Variants in ADGRA3 observed in about 807,000 individuals in gnomAD.
ADGRA3 encodes the protein G-protein coupled receptor 125.
Under a neutral mutation model 119.8 loss-of-function variants are expected in ADGRA3, and 56 were observed. That is an observed-to-expected ratio of 0.47 (90% confidence interval 0.38 to 0.58). ADGRA3 has a LOEUF of 0.58. Among genes scored for constraint, ADGRA3 ranks in the 20% least tolerant of loss-of-function variants. ADGRA3 has a pLI of 0.00. For synonymous variants in ADGRA3, 607 were observed against 623.8 expected (o/e 0.97, Z 0.40); for missense variants, 1,516 against 1,649.0 (o/e 0.92, Z 1.40).
At chr4:22,405,734 C>T (rs1439380748) in intron 14 of ADGRA3, among the ~76,000 whole-genome samples, 1 of 152,008 alleles carries the variant, frequency 6.6e-6, no homozygotes, top group Non-Finnish European at 1.5e-5. Context: ...ATTTTGTTCT[C>T]AACATGTTTT....
intron 1 of ADGRA3, among the ~76,000 whole-genome samples, chr4:22,502,218 A>C (rs1361656107): frequency 6.6e-6 from 1 of 152,242 alleles, no homozygotes; most frequent in Non-Finnish European, 1.5e-5. Context: ...TAGTAAATAC[A>C]GTTGCCAAAT....
intron 1 of ADGRA3, among the ~76,000 whole-genome samples, chr4:22,504,433 T>C (rs1719165199): frequency 6.6e-6 from 1 of 152,146 alleles, no homozygotes; most frequent in South Asian, 2.1e-4. Flanking sequence ...AAGGTGCCTG[T>C]CAATAGCAGG....
At chr4:22,422,990 G>C (rs1368437121) in intron 11 of ADGRA3, among the ~76,000 whole-genome samples, 1 of 152,044 alleles carries the variant, frequency 6.6e-6, no homozygotes, top group African/African-American at 2.4e-5. Context: ...GAGATCAGGA[G>C]TTCGAGATCA....
chr4:22,449,985 G>T (rs1287499585), intron 4 of ADGRA3, among the ~76,000 whole-genome samples: 1 of 152,134 alleles, frequency 6.6e-6, no homozygotes, highest in African/African-American at 2.4e-5. Context: ...AAATCCCAAC[G>T]CAAACCAATT....
intron 1 of ADGRA3, among the ~76,000 whole-genome samples, chr4:22,487,003 C>T (rs1450925709): frequency 3.3e-5 from 5 of 152,074 alleles, no homozygotes; most frequent in African/African-American, 9.6e-5. Context: ...TGATAGTGGA[C>T]GTTTTCATTA....
At chr4:22,461,902 TATA>T (rs1717475174) in intron 2 of ADGRA3, 94 bp from the exon 3 acceptor site, 1 of 723,492 alleles carries the variant, frequency 1.4e-6, no homozygotes. Context: ...AAAACAAAAG[TATA>T]ATAATAAGAG....
In ADGRA3 at chr4:22,424,249, T is replaced by C. The variant is rs1365267631; in HGVS notation, c.1547A>G (p.Gln516Arg). 1 of 1,613,582 alleles carries C rather than the reference T, an allele frequency of 6.2e-7. No individual in the cohort carries two copies. Among genetic ancestry groups the C allele is most frequent in the Non-Finnish European group, 8.5e-7 (1 of 1,179,870 alleles). Residue 516 changes from glutamine (Q) to arginine (R), a missense_variant, in exon 11 of 19, where the codon CAG becomes CGG. Physicochemically the swap from Gln to Arg is conservative, Grantham distance 43 (BLOSUM62 1). Transcript: ENST00000334304. ...GTAGGTAGCAATGCGCTGAAGACAC[T>C]GCACAATCCTACTGCAGGCTTTAGC... ...REAKACSRIV[Q>R]CLQRIATYRL...
chr4:22,502,853 C>T (rs61793415), intron 1 of ADGRA3, among the ~76,000 whole-genome samples: 9,160 of 138,088 alleles, frequency 0.066, 502 homozygotes, highest in African/African-American at 0.16. Context: ...ATTCATCCTG[C>T]ATAAGACTAA....
intron 15 of ADGRA3, 58 bp from the exon 16 acceptor site, chr4:22,401,612 T>C (rs536372534): frequency 2.0e-5 from 27 of 1,330,298 alleles, no homozygotes; most frequent in Middle Eastern, 1.9e-4. Flanking sequence ...GAGAAAACTA[T>C]GATGTTCATC....
At chr4:22,450,151 A>G (rs1287238870) in intron 4 of ADGRA3, among the ~76,000 whole-genome samples, 1 of 152,174 alleles carries the variant, frequency 6.6e-6, no homozygotes, top group African/African-American at 2.4e-5. Context: ...ACATAAATAA[A>G]TAAAACTAAG....
At chr4:22,463,291 G>A (rs539135997) in intron 2 of ADGRA3, among the ~76,000 whole-genome samples, 1 of 152,314 alleles carries the variant, frequency 6.6e-6, no homozygotes, top group South Asian at 2.1e-4. Context: ...ACAAGCCAAA[G>A]TAACCAGTAC....
Position 22,435,591 on chromosome 4 carries a change from T to C in ADGRA3, c.1288-125A>G, listed in dbSNP as rs143309904. 1.2e-3 allele frequency: 1,008 copies of C among 835,338 alleles called. 7 individuals are homozygous for C. In the African/African-American group the frequency reaches 0.016, roughly 13 times the overall value. The allele number at this position is 835,338 out of a possible 1,614,324, so 51.7% of individuals were successfully genotyped here. A position where few individuals can be genotyped will look rare whatever the true frequency, so the allele number is the denominator to read the frequency against. On this transcript the variant is annotated intron_variant, in intron 9 of 18. Coordinates refer to ENST00000334304, the MANE Select transcript of ADGRA3 (RefSeq NM_145290.4). Reference sequence around the variant, plus strand: ...TAAAAACTTTATTATTTACTCATCATGGCCTTCTTAAAATGCTTTACAAAC... The same window carrying C: ...TAAAAACTTTATTATTTACTCATCACGGCCTTCTTAAAATGCTTTACAAAC...
At chr4:22,464,318 T>A (rs1231010801) in intron 2 of ADGRA3, among the ~76,000 whole-genome samples, 1 of 152,064 alleles carries the variant, frequency 6.6e-6, no homozygotes, top group Non-Finnish European at 1.5e-5. Context: ...CTCTAAGACA[T>A]TTTCTAAATA....
intron 1 of ADGRA3, among the ~76,000 whole-genome samples, chr4:22,485,562 T>C (rs570137888): frequency 4.1e-4 from 62 of 152,334 alleles, no homozygotes; most frequent in Admixed American, 3.4e-3. Context: ...TGTTGATTTC[T>C]TCTCAAATGT....
intron 1 of ADGRA3, among the ~76,000 whole-genome samples, chr4:22,509,097 A>G (rs1429141069): frequency 1.3e-5 from 2 of 152,158 alleles, no homozygotes; most frequent in Non-Finnish European, 2.9e-5. Flanking sequence ...GAGCTAGTGA[A>G]CAGAACATGG....
Position 22,392,594 on chromosome 4 carries a change from T to C in ADGRA3, c.2578A>G (p.Arg860Gly). 6.2e-7 allele frequency: 1 copy of C among 1,614,048 alleles called. No individual in the cohort carries two copies. Among genetic ancestry groups the C allele is most frequent in the Non-Finnish European group, 8.5e-7 (1 of 1,179,908 alleles). Residue 860 changes from arginine to glycine, a missense_variant, in exon 17 of 19, where the codon AGA becomes GGA. By Grantham distance (125) the Arg-to-Gly change is moderately radical (BLOSUM62 -2). Coordinates refer to ENST00000334304, the MANE Select transcript of ADGRA3 (RefSeq NM_145290.4). Reference sequence around the variant, plus strand: ...GGTGGTTCATCAGGATCCTGGCATCTTTTAGCTTTTTTAGTGACTTGTTTG... The same window carrying C: ...GGTGGTTCATCAGGATCCTGGCATCCTTTAGCTTTTTTAGTGACTTGTTTG... ...IYKQVTKKAK[R>G]CQDPDEPPPP... is the part of the protein sequence containing the mutation.
intron 1 of ADGRA3, among the ~76,000 whole-genome samples, chr4:22,500,614 A>G (rs890348200): frequency 2.0e-5 from 3 of 152,184 alleles, no homozygotes; most frequent in African/African-American, 7.2e-5. Flanking sequence ...GCAGAAATAA[A>G]TCTCTCCTTT....
intron 11 of ADGRA3, among the ~76,000 whole-genome samples, chr4:22,422,579 T>TGAAA (rs56102242): frequency 0.98 from 148,762 of 152,070 alleles, 72,792 homozygotes; most frequent in Non-Finnish European, 0.99. Context: ...AAACCTTGGT[T>TGAAA]GAAAGAAATC....
intron 11 of ADGRA3, among the ~76,000 whole-genome samples, chr4:22,421,577 G>C (rs1715683069): frequency 1.3e-5 from 2 of 152,204 alleles, no homozygotes; most frequent in Admixed American, 1.3e-4. Flanking sequence ...TTTGCATTAA[G>C]TTTCACCAAT....
Sources: allele counts gnomAD v4.1 joint callset (sites outside exome capture counted in the v4.1 genomes callset), GRCh38; gene constraint gnomAD v4.1.1; transcripts MANE v1.5; gene names NCBI Gene and HGNC (gene_info 2026-07-23, HGNC 2026-07-21).